CLASP2: variants seen among roughly 807,000 people sequenced by gnomAD.
CLASP2 encodes cytoplasmic linker associated protein 2.
A neutral mutation model predicts 194.4 loss-of-function variants in CLASP2; 47 were observed. The ratio of observed to expected loss-of-function variants is 0.24; its 90% CI spans 0.19 to 0.31. CLASP2 has a LOEUF of 0.31. CLASP2 is among the 10% of genes least tolerant of loss of function. CLASP2 has a pLI of 1.00. For missense variants in CLASP2, 1,445 were observed against 1,823.6 expected (o/e 0.79, Z 3.78); for synonymous variants, 619 against 633.5 (o/e 0.98, Z 0.34).
At chr3:33,693,796 A>G (rs1213664715) in intron 2 of CLASP2, among the ~76,000 whole-genome samples, 1 of 152,200 alleles carries the variant, frequency 6.6e-6, no homozygotes, top group African/African-American at 2.4e-5. Flanking sequence ...TCAAAGTGAA[A>G]ACAATATTGA....
chr3:33,587,842 T>G (rs955410522), intron 21 of CLASP2, among the ~76,000 whole-genome samples: 4 of 152,156 alleles, frequency 2.6e-5, no homozygotes, highest in Admixed American at 2.6e-4. Flanking sequence ...AATGGAATGT[T>G]TTATGGGAAA....
At chr3:33,703,047 G>A (rs1442281225) in intron 1 of CLASP2, among the ~76,000 whole-genome samples, 1 of 152,138 alleles carries the variant, frequency 6.6e-6, no homozygotes, top group African/African-American at 2.4e-5. Context: ...CCTTGATGTG[G>A]CAATGTCTTT....
chr3:33,714,661 T>C (rs554854602), intron 1 of CLASP2, among the ~76,000 whole-genome samples: 2 of 152,286 alleles, frequency 1.3e-5, no homozygotes, highest in Admixed American at 6.5e-5. Flanking sequence ...CTAGCCACGA[T>C]TATCTCTCTG....
At chr3:33,568,698 G>A (rs1264665650) in intron 26 of CLASP2, among the ~76,000 whole-genome samples, 1 of 151,752 alleles carries the variant, frequency 6.6e-6, no homozygotes, top group African/African-American at 2.4e-5. Context: ...TGGCATAATT[G>A]AGTAGCTGGG....
At chr3:33,550,933 A>G (rs898258742) in intron 30 of CLASP2, among the ~76,000 whole-genome samples, 1 of 152,246 alleles carries the variant, frequency 6.6e-6, no homozygotes, top group African/African-American at 2.4e-5. Flanking sequence ...AAGTCTAAAA[A>G]TTGATAAATC....
intron 29 of CLASP2, among the ~76,000 whole-genome samples, chr3:33,553,361 A>G (rs137882110): frequency 6.6e-6 from 1 of 152,352 alleles, no homozygotes; most frequent in Non-Finnish European, 1.5e-5. Context: ...AGTACATCAA[A>G]CTAAAAAGCT....
At chr3:33,679,909 T>G (rs1340239336) in intron 6 of CLASP2, among the ~76,000 whole-genome samples, 1 of 152,208 alleles carries the variant, frequency 6.6e-6, no homozygotes, top group Non-Finnish European at 1.5e-5. Flanking sequence ...CAAAAATGTA[T>G]GTCCACACAA....
At chr3:33,643,631 C>A (rs945545494) in intron 8 of CLASP2, among the ~76,000 whole-genome samples, 1 of 151,500 alleles carries the variant, frequency 6.6e-6, no homozygotes, top group African/African-American at 2.4e-5. Flanking sequence ...ATTTATACAC[C>A]CATATGTGTA....
At chr3:33,592,003 T>C (rs184611726) in intron 21 of CLASP2, among the ~76,000 whole-genome samples, 2 of 152,324 alleles carry the variant, frequency 1.3e-5, no homozygotes, top group Non-Finnish European at 2.9e-5. Flanking sequence ...CATTAGCAAG[T>C]TTCTGAGTAG....
rs1322097499 is a variant in CLASP2 at position 33,653,782 on chromosome 3, A to G, written c.716-8879T>C. 2.0e-5 allele frequency among the ~76,000 whole-genome samples: 3 copies of G among 152,150 alleles called. No individual in the cohort carries two copies. The East Asian group carries it at 5.8e-4, about 29-fold the overall frequency. On this transcript the variant is annotated intron_variant, in intron 7 of 38. Coordinates refer to ENST00000682230, the MANE Select transcript of CLASP2 (RefSeq NM_001365631.1). ...ATTGATAATTTCTTGAAACTGGATG[A>G]TAAGTAGTAATGGAAATTCATTATA...
At chr3:33,502,618 C>T (rs4679044) in intron 37 of CLASP2, 49,196 of 152,010 alleles carry the variant, frequency 0.32, 8,484 homozygotes, top group Admixed American at 0.47. Context: ...GATCACACTA[C>T]TTACTCTATT....
chr3:33,580,717 T>C (rs1241919644), intron 23 of CLASP2, among the ~76,000 whole-genome samples: 1 of 151,324 alleles, frequency 6.6e-6, no homozygotes, highest in Admixed American at 6.6e-5. Context: ...CTACACTGTG[T>C]TAAAGAAAAA....
intron 34 of CLASP2, among the ~76,000 whole-genome samples, chr3:33,523,991 A>T (rs1311167203): frequency 6.6e-6 from 1 of 152,200 alleles, no homozygotes; most frequent in Non-Finnish European, 1.5e-5. Flanking sequence ...TAAACATTTC[A>T]CTACAAAACA....
chr3:33,675,670 T>C (rs891069401), intron 6 of CLASP2, among the ~76,000 whole-genome samples: 20 of 148,830 alleles, frequency 1.3e-4, no homozygotes, highest in South Asian at 2.2e-4. Flanking sequence ...GATGACATGA[T>C]TGTATATCTA....
intron 14 of CLASP2, among the ~76,000 whole-genome samples, chr3:33,607,729 T>C (rs1044977978): frequency 3.9e-5 from 6 of 152,148 alleles, no homozygotes; most frequent in African/African-American, 9.7e-5. Context: ...AGTGTATAAA[T>C]ACATAGTACC....
intron 7 of CLASP2, among the ~76,000 whole-genome samples, chr3:33,653,604 T>C (rs2083601387): frequency 6.6e-6 from 1 of 152,212 alleles, no homozygotes; most frequent in African/African-American, 2.4e-5. Context: ...CTTTTAGGTG[T>C]GACAATGGTA....
chr3:33,556,555 C>T (rs1253135724), intron 29 of CLASP2, among the ~76,000 whole-genome samples: 1 of 151,924 alleles, frequency 6.6e-6, no homozygotes, highest in Non-Finnish European at 1.5e-5. Context: ...CCTGCCTCAG[C>T]CTCCCGAGTA....
At chr3:33,543,159 G>C (rs941154635) in intron 32 of CLASP2, among the ~76,000 whole-genome samples, 6 of 152,152 alleles carry the variant, frequency 3.9e-5, no homozygotes, top group African/African-American at 1.4e-4. Flanking sequence ...GATCACCTAA[G>C]GTCAGGAGTT....
intron 21 of CLASP2, among the ~76,000 whole-genome samples, chr3:33,587,226 C>T (rs746200801): frequency 2.6e-5 from 4 of 151,806 alleles, no homozygotes; most frequent in Non-Finnish European, 5.9e-5. Flanking sequence ...CCCAGGTTCA[C>T]GCCATTCTCC....
Sources: gnomAD v4.1 joint callset for allele counts (sites outside exome capture counted in the v4.1 genomes callset) on GRCh38, gnomAD v4.1.1 for gene constraint, MANE v1.5 for transcripts, NCBI Gene and HGNC (gene_info 2026-07-23, HGNC 2026-07-21) for gene names.